The following DISC1 variants were observed in gnomAD, a reference collection of about 807,000 sequenced individuals.
DISC1 encodes DISC1 scaffold protein.
Under a neutral mutation model 84.5 loss-of-function variants are expected in DISC1, and 57 were observed. The observed-to-expected ratio is 0.67, with a 90% confidence interval of 0.55 to 0.84. The LOEUF is 0.84. DISC1 is among the 40% of genes least tolerant of loss of function. The probability of loss-of-function intolerance (pLI) is 0.00; values close to 1 mark genes in which losing one functional copy is unlikely to be tolerated. For missense variants in DISC1, 1,000 were observed against 1,057.8 expected, an observed-to-expected ratio of 0.95 and a Z score of 0.76; for synonymous variants, 411 against 415.2, an observed-to-expected ratio of 0.99 and a Z score of 0.12.
intron 9 of DISC1, among the ~76,000 whole-genome samples, chr1:231,830,109 AAAAAT>A (rs201751376): frequency 0.018 from 2,813 of 152,266 alleles, 39 homozygotes; most frequent in Admixed American, 0.028. Context: ...TATTAATAAG[AAAAAT>A]AAAATGAAAT....
At chr1:231,639,698 C>T (rs937252781) in intron 1 of DISC1, among the ~76,000 whole-genome samples, 2 of 152,088 alleles carry the variant, frequency 1.3e-5, no homozygotes, top group African/African-American at 4.8e-5. Flanking sequence ...ATAATATCAG[C>T]CCTCAATTTA....
intron 8 of DISC1, among the ~76,000 whole-genome samples, chr1:231,817,160 C>T (rs754566629): frequency 6.6e-6 from 1 of 152,208 alleles, no homozygotes; most frequent in Non-Finnish European, 1.5e-5. Context: ...TCTCAGCTCG[C>T]TGCAACCTAC....
intron 1 of DISC1, among the ~76,000 whole-genome samples, chr1:231,678,657 A>ATC (rs146706314): frequency 2.0e-5 from 3 of 151,126 alleles, no homozygotes; most frequent in Admixed American, 6.6e-5. Flanking sequence ...ACGTTGCTCT[A>ATC]TCTCTCTCTC....
At position 231,786,113 on chromosome 1, in the gene DISC1, T is replaced by C. The variant is rs59732275; in HGVS notation, c.1635-9129T>C. ...CATGTGTCTCCTGTATATTTCTGTC[T>C]CTATTATCAATGTTATCTGGCACTT... On this transcript the variant is annotated intron_variant, in intron 6 of 12. Transcript: ENST00000439617. 3.8e-3 allele frequency among the ~76,000 whole-genome samples: 581 copies of C among 152,330 alleles called. 6 individuals carry two copies. Among genetic ancestry groups the C allele is most frequent in the African/African-American group, 0.013 (560 of 41,570 alleles).
At chr1:231,657,571 A>G (rs184737919) in intron 1 of DISC1, among the ~76,000 whole-genome samples, 1 of 152,240 alleles carries the variant, frequency 6.6e-6, no homozygotes, top group East Asian at 1.9e-4. Context: ...TATGTCCTGA[A>G]TGGTATTGCC....
intron 9 of DISC1, among the ~76,000 whole-genome samples, chr1:231,941,740 G>A (rs2091355332): frequency 6.6e-6 from 1 of 152,040 alleles, no homozygotes; most frequent in Admixed American, 6.5e-5. Flanking sequence ...CAAAGTGCTG[G>A]GATTACAGGC....
chr1:231,882,407 G>A (rs552893567), intron 9 of DISC1, among the ~76,000 whole-genome samples: 1 of 152,274 alleles, frequency 6.6e-6, no homozygotes, highest in African/African-American at 2.4e-5. Context: ...GAGAAACGTA[G>A]TTGACAGGAA....
chr1:231,747,646 G>A (rs2074147759), intron 3 of DISC1, among the ~76,000 whole-genome samples: 1 of 152,152 alleles, frequency 6.6e-6, no homozygotes, highest in African/African-American at 2.4e-5. Context: ...CCAGTACCAT[G>A]TTGTTTTGGT....
intron 6 of DISC1, among the ~76,000 whole-genome samples, chr1:231,785,523 C>T (rs1305613373): frequency 2.0e-5 from 3 of 151,760 alleles, no homozygotes; most frequent in South Asian, 2.1e-4. Context: ...TGAACTCCCG[C>T]GCTCAAGTGA....
At chr1:231,692,247 C>T (rs957481299) in intron 1 of DISC1, among the ~76,000 whole-genome samples, 2 of 152,136 alleles carry the variant, frequency 1.3e-5, no homozygotes, top group African/African-American at 2.4e-5. Context: ...CTTCTTCCAC[C>T]ACCACCTCAT....
chr1:231,687,102 T>G (rs560194813), intron 1 of DISC1, among the ~76,000 whole-genome samples: 17 of 152,216 alleles, frequency 1.1e-4, no homozygotes, highest in Admixed American at 4.6e-4. Flanking sequence ...AGTTCCAAAC[T>G]TTCTCACATT....
At chr1:231,912,789 CTTTCTTTCTTTCTT>C (rs1191387799) in intron 9 of DISC1, among the ~76,000 whole-genome samples, 3 of 137,524 alleles carry the variant, frequency 2.2e-5, no homozygotes, top group African/African-American at 8.4e-5. Flanking sequence ...TTCTTTCTTT[CTTTCTTTCTTTCTT>C]TCTTTTTCTT....
In DISC1 at chr1:231,715,857, AG is replaced by A. The variant is rs2068633897; in HGVS notation, c.1117+13834del. Among the ~76,000 whole-genome samples, 4 of 152,222 alleles carry A rather than the reference AG, an allele frequency of 2.6e-5. No homozygotes were observed. In the South Asian group the frequency reaches 8.3e-4, roughly 32 times the overall value. On this transcript the variant is annotated intron_variant, in intron 3 of 12. Coordinates refer to ENST00000439617, the MANE Select transcript of DISC1 (RefSeq NM_018662.3). ...CCAAACAAAGAGCCGTGAAATGTTTAGTAACTGTCTCTGTACCTCTGGATGA... is the reference window on the plus strand; with the variant it reads ...CCAAACAAAGAGCCGTGAAATGTTTATAACTGTCTCTGTACCTCTGGATGA...
At chr1:232,004,588 T>C (rs935919191) in intron 10 of DISC1, among the ~76,000 whole-genome samples, 3 of 152,006 alleles carry the variant, frequency 2.0e-5, no homozygotes, top group African/African-American at 7.2e-5. Context: ...AACAAAACCC[T>C]TGGGAAAATG....
intron 10 of DISC1, among the ~76,000 whole-genome samples, chr1:232,004,586 C>T (rs1319019479): frequency 6.6e-6 from 1 of 151,728 alleles, no homozygotes; most frequent in African/African-American, 2.4e-5. Context: ...TCAACAAAAC[C>T]CTTGGGAAAA....
intron 1 of DISC1, among the ~76,000 whole-genome samples, chr1:231,676,062 C>T (rs1208010232): frequency 1.2e-4 from 18 of 152,150 alleles, no homozygotes; most frequent in African/African-American, 3.9e-4. Context: ...TTGGTCAGGC[C>T]GGTCTCAAAC....
intron 2 of DISC1, 134 bp downstream of exon 2, chr1:231,694,939 G>A (rs942407787): frequency 3.1e-5 from 39 of 1,273,848 alleles, no homozygotes; most frequent in South Asian, 2.9e-4. Flanking sequence ...TTTTGGAGCC[G>A]GCTGCACAGG....
At chr1:231,931,824 A>AT (rs936619060) in intron 9 of DISC1, among the ~76,000 whole-genome samples, 92 of 150,426 alleles carry the variant, frequency 6.1e-4, no homozygotes, top group African/African-American at 1.1e-3. Context: ...ATTAAAAAAA[A>AT]TTTTTTTTTT....
At chr1:231,649,866 A>G in intron 1 of DISC1, among the ~76,000 whole-genome samples, 1 of 152,226 alleles carries the variant, frequency 6.6e-6, no homozygotes. Flanking sequence ...TTTATCAGAG[A>G]CCAGGATTGC....
Sources: allele counts gnomAD v4.1 joint callset (sites outside exome capture counted in the v4.1 genomes callset), GRCh38; gene constraint gnomAD v4.1.1; transcripts MANE v1.5; gene names NCBI Gene and HGNC (gene_info 2026-07-23, HGNC 2026-07-21).